The following CHODL variants were observed in gnomAD, a reference collection of about 807,000 sequenced individuals.
The protein encoded by CHODL is chondrolectin, also known as transmembrane protein MT75.
In CHODL, 29 loss-of-function variants were observed where a neutral mutation model predicts 34.5. The ratio of observed to expected loss-of-function variants is 0.84; its 90% CI spans 0.63 to 1.15. The LOEUF (loss-of-function observed/expected upper bound fraction) is 1.15. CHODL is among the 50% of genes most tolerant of loss of function. CHODL has a pLI of 0.00. For synonymous variants in CHODL, 125 were observed against 116.1 expected (o/e 1.08, Z -0.49); for missense variants, 332 against 332.5 (o/e 1.00, Z 0.01).
intron 2 of CHODL, among the ~76,000 whole-genome samples, chr21:18,178,527 G>T (rs2073343006): frequency 6.6e-6 from 1 of 152,074 alleles, no homozygotes; most frequent in Non-Finnish European, 1.5e-5. Flanking sequence ...AAACCTTAGT[G>T]ATAACATAAA....
chr21:18,144,991 A>G (rs1256921073), intron 2 of CHODL, among the ~76,000 whole-genome samples: 1 of 139,798 alleles, frequency 7.2e-6, no homozygotes, highest in Non-Finnish European at 1.6e-5. Flanking sequence ...GACTAATTTC[A>G]ATTTTAAGTT....
At chr21:18,211,608 T>G (rs559038382) in intron 2 of CHODL, among the ~76,000 whole-genome samples, 2 of 152,240 alleles carry the variant, frequency 1.3e-5, no homozygotes, top group Non-Finnish European at 2.9e-5. Flanking sequence ...GCTTTTCAGT[T>G]GCCAACCATA....
chr21:18,197,302 T>C (rs2073600472), intron 2 of CHODL, among the ~76,000 whole-genome samples: 1 of 152,180 alleles, frequency 6.6e-6, no homozygotes, highest in Non-Finnish European at 1.5e-5. Flanking sequence ...TTTAACATAG[T>C]GCCAATTAGC....
chr21:18,214,554 G>T (rs566044359), intron 2 of CHODL, among the ~76,000 whole-genome samples: 4 of 152,058 alleles, frequency 2.6e-5, no homozygotes, highest in Admixed American at 2.0e-4. Context: ...TTTTTTGCCT[G>T]TCTTGCCATT....
At position 17,994,326 on chromosome 21, in the gene CHODL, T is replaced by C. The variant is rs754192649; in HGVS notation, c.-144-33546T>C. Among the ~76,000 whole-genome samples, 32 of 152,182 alleles carry C rather than the reference T, an allele frequency of 2.1e-4. 1 individual carries two copies. The highest frequency in any genetic ancestry group is 4.8e-5 in the African/African-American group (2 of 41,452). On this transcript the variant is annotated intron_variant, in intron 1 of 6. Coordinates refer to the CHODL transcript ENST00000400127. ...GGGGTGGGCTGCTACTTAGGCCTTC[T>C]GGTGGTGTGTATGTCTTCAGTAATG... is the stretch of plus-strand genomic sequence containing the variant.
intron 2 of CHODL, among the ~76,000 whole-genome samples, chr21:18,073,438 T>G (rs2064829374): frequency 6.6e-6 from 1 of 152,242 alleles, no homozygotes; most frequent in Non-Finnish European, 1.5e-5. Flanking sequence ...ATCATCCATC[T>G]TTTGCATCAG....
chr21:18,094,350 A>G (rs1022227127), intron 2 of CHODL, among the ~76,000 whole-genome samples: 4 of 152,196 alleles, frequency 2.6e-5, no homozygotes, highest in African/African-American at 9.6e-5. Flanking sequence ...AATCTGCACT[A>G]TAGAACAAAT....
At chr21:18,147,104 A>G (rs2072900087) in intron 2 of CHODL, among the ~76,000 whole-genome samples, 1 of 152,194 alleles carries the variant, frequency 6.6e-6, no homozygotes, top group South Asian at 2.1e-4. Flanking sequence ...ATGTGCTACT[A>G]TTCTCTAGGG....
At chr21:18,183,555 T>C (rs2073406760) in intron 2 of CHODL, among the ~76,000 whole-genome samples, 2 of 152,214 alleles carry the variant, frequency 1.3e-5, no homozygotes, top group Non-Finnish European at 2.9e-5. Context: ...TTTTTTTCCC[T>C]GGGATACCTT....
intron 2 of CHODL, among the ~76,000 whole-genome samples, chr21:18,052,417 A>G (rs2064527143): frequency 6.6e-6 from 1 of 151,974 alleles, no homozygotes; most frequent in African/African-American, 2.4e-5. Flanking sequence ...CTTCTAGGCT[A>G]GTACCTTTCA....
intron 2 of CHODL, among the ~76,000 whole-genome samples, chr21:18,198,409 AT>A (rs2073613143): frequency 6.6e-6 from 1 of 152,188 alleles, no homozygotes; most frequent in Non-Finnish European, 1.5e-5. Context: ...ATAAAGTTTT[AT>A]TGTAAAACAG....
At chr21:18,244,266 GA>G (rs1199846036), upstream of CHODL, among the ~76,000 whole-genome samples, 1 of 152,204 alleles carries the variant, frequency 6.6e-6, no homozygotes, top group Non-Finnish European at 1.5e-5. Flanking sequence ...CACTGAGAGT[GA>G]AATCAGTTTC....
intron 2 of CHODL, among the ~76,000 whole-genome samples, chr21:18,203,406 A>G (rs889941851): frequency 6.6e-6 from 1 of 152,180 alleles, no homozygotes; most frequent in Admixed American, 6.5e-5. Flanking sequence ...ATAGGCATGC[A>G]GTTCGTTCTA....
intron 1 of CHODL, among the ~76,000 whole-genome samples, chr21:18,012,116 G>T (rs1371132031): frequency 1.3e-5 from 2 of 152,290 alleles, no homozygotes; most frequent in South Asian, 2.1e-4. Flanking sequence ...AGACTTAAAG[G>T]ACACTGACAT....
At chr21:18,145,255 T>C (rs2072860605) in intron 2 of CHODL, among the ~76,000 whole-genome samples, 1 of 54 alleles carries the variant, frequency 0.019, no homozygotes, top group South Asian at 0.5. Context: ...GCTAACAAGG[T>C]GAAACCCCCG....
At chr21:18,125,031 A>C (rs998202183) in intron 2 of CHODL, among the ~76,000 whole-genome samples, 1 of 152,236 alleles carries the variant, frequency 6.6e-6, no homozygotes, top group African/African-American at 2.4e-5. Context: ...GTAAATATAC[A>C]TGCATCAGTA....
At chr21:18,156,590 G>T (rs12627376) in intron 2 of CHODL, among the ~76,000 whole-genome samples, 24,654 of 152,074 alleles carry the variant, frequency 0.16, 2,112 homozygotes, top group East Asian at 0.23. Context: ...CGGTATCAAT[G>T]AAGCTCAATA....
intron 2 of CHODL, among the ~76,000 whole-genome samples, chr21:18,184,716 G>A (rs973725328): frequency 1.3e-5 from 2 of 152,122 alleles, no homozygotes; most frequent in African/African-American, 2.4e-5. Context: ...TTGGTTTTTA[G>A]TACATCAGGG....
intron 2 of CHODL, among the ~76,000 whole-genome samples, chr21:18,174,135 A>ATCTTGG (rs1394326711): frequency 3.9e-5 from 2 of 51,772 alleles, no homozygotes; most frequent in Non-Finnish European, 8.3e-5. Flanking sequence ...ATATATATAT[A>ATCTTGG]TATATATATA....
Sources: gnomAD v4.1 joint callset for allele counts (sites outside exome capture counted in the v4.1 genomes callset) on GRCh38, gnomAD v4.1.1 for gene constraint, MANE v1.5 for transcripts, NCBI Gene and HGNC (gene_info 2026-07-23, HGNC 2026-07-21) for gene names.